The following CHCHD6 variants were observed in gnomAD, a reference collection of about 807,000 sequenced individuals.
CHCHD6 encodes MICOS complex subunit MIC25.
In CHCHD6, 28 loss-of-function variants were observed where a neutral mutation model predicts 32.3. That is an observed-to-expected ratio of 0.87 (90% CI 0.64 to 1.19). CHCHD6 has a LOEUF of 1.19. CHCHD6 is among the 50% of genes most tolerant of loss of function. The probability of loss-of-function intolerance (pLI) is 0.00; values close to 1 mark genes in which losing one functional copy is unlikely to be tolerated. For synonymous variants in CHCHD6, 122 were observed against 117.5 expected, an observed-to-expected ratio of 1.04 and a Z score of -0.25; for missense variants, 333 against 307.0, an observed-to-expected ratio of 1.08 and a Z score of -0.63.
intron 1 of CHCHD6, among the ~76,000 whole-genome samples, chr3:126,720,888 G>A (rs1055485104): frequency 6.6e-6 from 1 of 152,116 alleles, no homozygotes; most frequent in African/African-American, 2.4e-5. Flanking sequence ...ACTCACTCAG[G>A]GTCTTAGTTG....
intron 1 of CHCHD6, among the ~76,000 whole-genome samples, chr3:126,717,956 G>T (rs1440939252): frequency 6.6e-6 from 1 of 152,176 alleles, no homozygotes; most frequent in Non-Finnish European, 1.5e-5. Flanking sequence ...ACTTCACTTT[G>T]TCATTAGAGT....
At chr3:126,763,077 T>C (rs1172095852) in intron 4 of CHCHD6, among the ~76,000 whole-genome samples, 2 of 152,178 alleles carry the variant, frequency 1.3e-5, no homozygotes, top group African/African-American at 4.8e-5. Context: ...TTGTATAGCT[T>C]TTATTGTCCC....
At chr3:126,896,541 A>G (rs149935537) in intron 5 of CHCHD6, among the ~76,000 whole-genome samples, 28 of 152,224 alleles carry the variant, frequency 1.8e-4, no homozygotes, top group East Asian at 9.7e-4. Context: ...GTGGACCTCA[A>G]TCCACCCTAA....
intron 6 of CHCHD6, among the ~76,000 whole-genome samples, chr3:126,933,988 C>T (rs1297870989): frequency 2.6e-5 from 4 of 152,200 alleles, no homozygotes; most frequent in African/African-American, 7.2e-5. Flanking sequence ...AGAGCTTGCC[C>T]GTTCTGTGTT....
intron 6 of CHCHD6, among the ~76,000 whole-genome samples, chr3:126,950,816 G>C (rs1000725926): frequency 2.6e-5 from 4 of 152,140 alleles, no homozygotes; most frequent in Non-Finnish European, 4.4e-5. Context: ...TGAAGGAGAG[G>C]GTGTTCAGAA....
At chr3:126,785,974 C>G (rs1938186361) in intron 4 of CHCHD6, among the ~76,000 whole-genome samples, 1 of 152,136 alleles carries the variant, frequency 6.6e-6, no homozygotes, top group South Asian at 2.1e-4. Context: ...CTATCCCTTC[C>G]CTCTTCCCCC....
chr3:126,844,641 C>T (rs977311823), intron 4 of CHCHD6, among the ~76,000 whole-genome samples: 1 of 152,136 alleles, frequency 6.6e-6, no homozygotes, highest in African/African-American at 2.4e-5. Context: ...TAGGACTTTG[C>T]CTTCTCATTG....
chr3:126,863,326 T>C (rs1201824392), intron 5 of CHCHD6, among the ~76,000 whole-genome samples: 9 of 123,964 alleles, frequency 7.3e-5, no homozygotes, highest in East Asian at 5.4e-4. Context: ...CACCACCTCC[T>C]CCTCCTCCTC....
intron 5 of CHCHD6, among the ~76,000 whole-genome samples, chr3:126,910,724 G>A (rs182444331): frequency 6.6e-6 from 1 of 152,328 alleles, no homozygotes; most frequent in Admixed American, 6.5e-5. Context: ...TGATACTCAA[G>A]GGATGACACT....
intron 4 of CHCHD6, among the ~76,000 whole-genome samples, chr3:126,841,254 A>G (rs1941068545): frequency 6.6e-6 from 1 of 152,136 alleles, no homozygotes. Context: ...ATAGTATTCC[A>G]TGGTGTATAT....
At chr3:126,921,016 T>G (rs1422794861) in intron 6 of CHCHD6, among the ~76,000 whole-genome samples, 3 of 152,168 alleles carry the variant, frequency 2.0e-5, no homozygotes, top group Admixed American at 6.5e-5. Context: ...GCTGCTCCAT[T>G]GTAGCTGGAA....
intron 4 of CHCHD6, among the ~76,000 whole-genome samples, chr3:126,799,165 T>C (rs1938943009): frequency 6.6e-6 from 1 of 152,120 alleles, no homozygotes; most frequent in Non-Finnish European, 1.5e-5. Context: ...TCGGAATCTC[T>C]AGCATTCAGC....
chr3:126,754,094 A>G (rs1326387323), intron 4 of CHCHD6, among the ~76,000 whole-genome samples: 1 of 152,200 alleles, frequency 6.6e-6, no homozygotes, highest in South Asian at 2.1e-4. Context: ...TAAAATAGTC[A>G]TAGCAGTTAG....
chr3:126,823,518 T>G (rs1940240497), intron 4 of CHCHD6, among the ~76,000 whole-genome samples: 1 of 152,222 alleles, frequency 6.6e-6, no homozygotes, highest in Admixed American at 6.5e-5. Flanking sequence ...CTTTTAATTT[T>G]TTATTTCTTG....
At chr3:126,906,307 G>A (rs1363154358) in intron 5 of CHCHD6, among the ~76,000 whole-genome samples, 1 of 151,984 alleles carries the variant, frequency 6.6e-6, no homozygotes, top group Non-Finnish European at 1.5e-5. Flanking sequence ...CAGGCTGATG[G>A]CCACTTCCAC....
intron 6 of CHCHD6, among the ~76,000 whole-genome samples, chr3:126,921,738 A>G (rs1369744976): frequency 6.6e-6 from 1 of 152,232 alleles, no homozygotes; most frequent in Admixed American, 6.5e-5. Context: ...GACTCGCTAG[A>G]GCAGAGCTGC....
intron 4 of CHCHD6, among the ~76,000 whole-genome samples, chr3:126,744,280 C>T (rs1376925279): frequency 6.6e-6 from 1 of 152,200 alleles, no homozygotes; most frequent in African/African-American, 2.4e-5. Flanking sequence ...TACCATTCTG[C>T]TTTTTCCTTT....
At chr3:126,753,229 A>G (rs1355647174) in intron 4 of CHCHD6, among the ~76,000 whole-genome samples, 3 of 152,194 alleles carry the variant, frequency 2.0e-5, no homozygotes, top group African/African-American at 7.2e-5. Context: ...AACAGCTAAC[A>G]TATCAGTGGC....
At chr3:126,777,064 C>T (rs1937682238) in intron 4 of CHCHD6, among the ~76,000 whole-genome samples, 1 of 152,210 alleles carries the variant, frequency 6.6e-6, no homozygotes, top group South Asian at 2.1e-4. Flanking sequence ...CTAGCTCAGA[C>T]TTCACCTGCC....
Sources: gnomAD v4.1 joint callset for allele counts (sites outside exome capture counted in the v4.1 genomes callset) on GRCh38, gnomAD v4.1.1 for gene constraint, MANE v1.5 for transcripts, NCBI Gene and HGNC (gene_info 2026-07-23, HGNC 2026-07-21) for gene names.